Variants in TMCO1 observed in about 807,000 individuals in gnomAD.
The protein encoded by TMCO1 is transmembrane and coiled-coil domains 1.
In TMCO1, 29 loss-of-function variants were observed where a neutral mutation model predicts 29.3. The observed-to-expected ratio is 0.99, with a 90% CI of 0.74 to 1.35. The LOEUF is 1.35. Among genes scored for constraint, TMCO1 ranks in the 40% most tolerant of loss-of-function variants. The pLI, the probability that TMCO1 is intolerant of heterozygous loss-of-function variation, is 0.00. For missense variants in TMCO1, 173 were observed against 225.5 expected (o/e 0.77, Z 1.49); for synonymous variants, 80 against 77.1 (o/e 1.04, Z -0.20).
At chr1:165,729,462 G>C (rs1651050912) in intron 6 of TMCO1, among the ~76,000 whole-genome samples, 1 of 151,774 alleles carries the variant, frequency 6.6e-6, no homozygotes, top group Non-Finnish European at 1.5e-5. Flanking sequence ...GATTACAGGT[G>C]CCTGCTATCA....
chr1:165,732,473 T>C (rs977584044), intron 6 of TMCO1, among the ~76,000 whole-genome samples: 1 of 133,870 alleles, frequency 7.5e-6, no homozygotes, highest in South Asian at 2.5e-4. Flanking sequence ...AATGAGCAAA[T>C]GGTTTCTCTC....
chr1:165,763,963 G>A (rs1338155775), intron 2 of TMCO1, among the ~76,000 whole-genome samples: 2 of 152,186 alleles, frequency 1.3e-5, no homozygotes, highest in African/African-American at 2.4e-5. Context: ...GTACAGTAAA[G>A]GAGACTTTTC....
At chr1:165,729,356 A>T (rs1476400779) in intron 6 of TMCO1, among the ~76,000 whole-genome samples, 1 of 146,838 alleles carries the variant, frequency 6.8e-6, no homozygotes, top group Non-Finnish European at 1.5e-5. Context: ...TCACTCTGTC[A>T]TCCAAGCTAG....
chr1:165,752,767 C>T (rs79080232), intron 4 of TMCO1, among the ~76,000 whole-genome samples: 1,954 of 151,646 alleles, frequency 0.013, 48 homozygotes, highest in African/African-American at 0.046. Context: ...GCACTCCTGC[C>T]CCAGGCGACA....
Position 165,727,925 on chromosome 1 carries a change from C to G in TMCO1, c.*98G>C, listed in dbSNP as rs1414931253. Reference sequence around the variant, plus strand: ...AATAATTCAAAACTAGAAAGAGGCCCAAGTAGTAAGGCTACCTATGGCTCT... The same window carrying G: ...AATAATTCAAAACTAGAAAGAGGCCGAAGTAGTAAGGCTACCTATGGCTCT... On this transcript the variant is annotated 3_prime_UTR_variant, in exon 7 of 7. Coordinates refer to ENST00000367881, the MANE Select transcript of TMCO1 (RefSeq NM_019026.6). The G allele has an allele frequency of 2.2e-6, 2 of 898,430 alleles. No homozygotes were observed. Among genetic ancestry groups the G allele is most frequent in the Non-Finnish European group, 3.5e-6 (2 of 566,756 alleles). The allele number at this position is 898,430 out of a possible 1,614,324, so 55.7% of individuals were successfully genotyped here.
chr1:165,725,650 T>C (rs1265065807), downstream of TMCO1: 2 of 454,076 alleles, frequency 4.4e-6, no homozygotes, highest in East Asian at 1.4e-4. Flanking sequence ...AAATGTCATC[T>C]CCAATGATCT....
At position 165,743,153 on chromosome 1, in the gene TMCO1, ATG is replaced by A; in HGVS notation, c.468+12_468+13del. On this transcript the variant is annotated intron_variant, in intron 6 of 6. Coordinates refer to ENST00000367881, the MANE Select transcript of TMCO1 (RefSeq NM_019026.6). Reference sequence around the variant, plus strand: ...GAAAAATATACATATTAAATGGTAGATGTGATCACTCACCTGTCGAATCGACA... The same window carrying A: ...GAAAAATATACATATTAAATGGTAGATGATCACTCACCTGTCGAATCGACA... 1 of 1,613,920 alleles carries A rather than the reference ATG, an allele frequency of 6.2e-7. No homozygotes were observed. Among genetic ancestry groups the A allele is most frequent in the Non-Finnish European group, 8.5e-7 (1 of 1,179,846 alleles).
At chr1:165,742,490 C>T (rs1225360229) in intron 6 of TMCO1, among the ~76,000 whole-genome samples, 6 of 152,262 alleles carry the variant, frequency 3.9e-5, no homozygotes, top group East Asian at 1.9e-4. Context: ...CTCAAATTCC[C>T]GAGCTCAGGT....
At chr1:165,754,092 G>A in intron 4 of TMCO1, 136 bp downstream of exon 4, 2 of 724,940 alleles carry the variant, frequency 2.8e-6, no homozygotes, top group Non-Finnish European at 4.8e-6. Context: ...TTTGGTCCAG[G>A]AACACCCATG....
chr1:165,768,833 G>C lies in TMCO1; in HGVS notation c.-82C>G, dbSNP rs772491686. ...GAAAAGTGAAGCGAAAACGGCTTCC[G>C]TAGACTCCGCCACCACCGAGTAACA... On this transcript the variant is annotated 5_prime_UTR_variant, in exon 1 of 7. Coordinates refer to ENST00000367881, the MANE Select transcript of TMCO1 (RefSeq NM_019026.6). The C allele has an allele frequency of 3.8e-6, 6 of 1,596,146 alleles. No homozygotes were observed. Among genetic ancestry groups the C allele is most frequent in the Non-Finnish European group, 5.1e-6 (6 of 1,170,806 alleles).
intron 3 of TMCO1, among the ~76,000 whole-genome samples, chr1:165,758,533 G>A (rs1350951418): frequency 6.6e-6 from 1 of 151,564 alleles, no homozygotes; most frequent in Non-Finnish European, 1.5e-5. Flanking sequence ...TACAGCCTAG[G>A]AAACAAGAGT....
chr1:165,729,491 A>T (rs1651057882), intron 6 of TMCO1, among the ~76,000 whole-genome samples: 1 of 150,684 alleles, frequency 6.6e-6, no homozygotes, highest in Non-Finnish European at 1.5e-5. Context: ...TAATTTTTGT[A>T]TTTTTTTTAG....
At chr1:165,746,010 G>A (rs1052248859) in intron 5 of TMCO1, among the ~76,000 whole-genome samples, 3 of 152,248 alleles carry the variant, frequency 2.0e-5, no homozygotes, top group East Asian at 1.9e-4. Flanking sequence ...GGCCAGGAGC[G>A]GTGGCTCACG....
rs1226151765 is a variant in TMCO1 at position 165,767,603 on chromosome 1, A to G, written c.148+589T>C. Reference sequence around the variant, plus strand: ...CTTTCCCCATTTCATTCTCTATCCAAATTCTAACTATCCACAAGGAACTGC... The same window carrying G: ...CTTTCCCCATTTCATTCTCTATCCAGATTCTAACTATCCACAAGGAACTGC... On this transcript the variant is annotated intron_variant, in intron 2 of 6. Transcript: ENST00000367881. Among the ~76,000 whole-genome samples, 4 of 152,194 alleles carry G rather than the reference A, an allele frequency of 2.6e-5. No individual in the cohort carries two copies. The East Asian group carries it at 7.7e-4, about 29-fold the overall frequency.
chr1:165,739,849 G>A (rs7540840), intron 6 of TMCO1, among the ~76,000 whole-genome samples: 79,522 of 151,656 alleles, frequency 0.52, 21,453 homozygotes, highest in South Asian at 0.72. Context: ...AGTGGCTCAC[G>A]CCTGTAATCC....
At chr1:165,759,997 A>T (rs1652340143) in intron 2 of TMCO1, among the ~76,000 whole-genome samples, 1 of 152,222 alleles carries the variant, frequency 6.6e-6, no homozygotes, top group Non-Finnish European at 1.5e-5. Flanking sequence ...CTGCCTAAAT[A>T]ACTCTAAGCA....
At chr1:165,737,872 G>A (rs750552637) in intron 6 of TMCO1, among the ~76,000 whole-genome samples, 9 of 152,168 alleles carry the variant, frequency 5.9e-5, no homozygotes, top group Non-Finnish European at 7.4e-5. Context: ...ATTCCTTAAT[G>A]CTATACCATG....
chr1:165,724,997 TCTCTCTCTCTCTC>T, downstream of TMCO1: 1 of 122,042 alleles, frequency 8.2e-6, no homozygotes, highest in South Asian at 5.0e-5. Context: ...TCTCTCTCTC[TCTCTCTCTCTCTC>T]TCTCTCTCTC....
intron 6 of TMCO1, among the ~76,000 whole-genome samples, chr1:165,733,094 G>A (rs73020525): frequency 0.013 from 2,016 of 152,224 alleles, 53 homozygotes; most frequent in African/African-American, 0.047. Flanking sequence ...AACTTAATGA[G>A]GTGGACATCA....
Sources: allele counts gnomAD v4.1 joint callset (sites outside exome capture counted in the v4.1 genomes callset), GRCh38; gene constraint gnomAD v4.1.1; transcripts MANE v1.5; gene names NCBI Gene and HGNC (gene_info 2026-07-23, HGNC 2026-07-21).